Variants in SLC25A21 observed in about 807,000 individuals in gnomAD.
The protein encoded by SLC25A21 is mitochondrial 2-oxodicarboxylate carrier.
In SLC25A21, 47 loss-of-function variants were observed where a neutral mutation model predicts 43.8. The observed-to-expected ratio is 1.07, with a 90% confidence interval of 0.85 to 1.37. The LOEUF (loss-of-function observed/expected upper bound fraction) is 1.37, where lower values mean the gene tolerates loss of function less well. SLC25A21 is among the 40% of genes most tolerant of loss of function. The pLI is 0.00. For missense variants in SLC25A21, 352 were observed against 350.2 expected, an observed-to-expected ratio of 1.00 and a Z score of -0.04; for synonymous variants, 131 against 121.3, an observed-to-expected ratio of 1.08 and a Z score of -0.52.
At chr14:36,963,219 A>G (rs555476558) in intron 1 of SLC25A21, among the ~76,000 whole-genome samples, 70 of 152,258 alleles carry the variant, frequency 4.6e-4, no homozygotes, top group Admixed American at 4.2e-3. Context: ...TAAAGAAACG[A>G]TAAGTGAAAA....
Position 37,150,677 on chromosome 14 carries a change from C to A in SLC25A21, c.70+21604G>T, listed in dbSNP as rs199916099. 1.3e-5 allele frequency among the ~76,000 whole-genome samples: 2 copies of A among 152,136 alleles called. 1 individual carries two copies. The highest frequency in any genetic ancestry group is 4.1e-4 in the South Asian group (2 of 4,830). On this transcript the variant is annotated intron_variant, in intron 1 of 9. Coordinates refer to ENST00000331299, the MANE Select transcript of SLC25A21 (RefSeq NM_030631.4). ...AATCACCAAAATTATAGGAAGACAG[C>A]GCCATCTATAGGTCTGCACAAGTAC...
At chr14:37,163,726 G>A (rs193299616) in intron 1 of SLC25A21, among the ~76,000 whole-genome samples, 3 of 152,212 alleles carry the variant, frequency 2.0e-5, no homozygotes, top group Admixed American at 2.0e-4. Context: ...GGGTTAAAGT[G>A]TATAAACATA....
chr14:37,060,344 T>A (rs999975980), intron 1 of SLC25A21, among the ~76,000 whole-genome samples: 4 of 150,056 alleles, frequency 2.7e-5, no homozygotes, highest in African/African-American at 9.7e-5. Flanking sequence ...GGTATTTTAT[T>A]ATAGCAGAAT....
rs571657344 is a variant in SLC25A21, at chr14:36,894,660, G to A, written c.71-19656C>T. ...CTTCCAGTTTTTGCCCATTCAGTACGATATTGGCTGTGGGTTTGTCATAGA... is the reference window on the plus strand; with the variant it reads ...CTTCCAGTTTTTGCCCATTCAGTACAATATTGGCTGTGGGTTTGTCATAGA... On this transcript the variant is annotated intron_variant, in intron 1 of 9. Transcript: ENST00000331299. Among the ~76,000 whole-genome samples the A allele has an allele frequency of 5.9e-5, 9 of 152,180 alleles. No homozygotes were observed. The South Asian group carries it at 1.2e-3, about 21-fold the overall frequency.
At chr14:36,769,406 T>C (rs966697423) in intron 3 of SLC25A21, among the ~76,000 whole-genome samples, 2 of 152,238 alleles carry the variant, frequency 1.3e-5, no homozygotes, top group Non-Finnish European at 2.9e-5. Context: ...TATTGCTGTT[T>C]TAAAAACTAT....
Position 36,688,882 on chromosome 14 carries a change from G to T in SLC25A21, c.604-3957C>A, listed in dbSNP as rs550697787. ...AACTGAAAGGTTAAGTATAAGAAGG[G>T]ATTTTTTGTTACATCCGAGTGAACC... On this transcript the variant is annotated intron_variant, in intron 7 of 9. Coordinates refer to ENST00000331299, the MANE Select transcript of SLC25A21 (RefSeq NM_030631.4). Among the ~76,000 whole-genome samples the T allele has an allele frequency of 1.3e-5, 2 of 152,194 alleles. 1 individual carries two copies. Among genetic ancestry groups the T allele is most frequent in the South Asian group, 4.1e-4 (2 of 4,832 alleles).
At chr14:37,016,783 T>A (rs757421999) in intron 1 of SLC25A21, among the ~76,000 whole-genome samples, 17 of 152,094 alleles carry the variant, frequency 1.1e-4, no homozygotes, top group Non-Finnish European at 1.8e-4. Context: ...CTTAGCTACA[T>A]CTTAGCTACA....
chr14:37,171,817 CAAT>C (rs1423330460), intron 1 of SLC25A21: 1 of 160,656 alleles, frequency 6.2e-6, no homozygotes, highest in African/African-American at 2.4e-5. Context: ...GCACAGTATG[CAAT>C]AAGAAGTCCT....
At chr14:36,959,365 A>G (rs1959428922) in intron 1 of SLC25A21, among the ~76,000 whole-genome samples, 1 of 152,138 alleles carries the variant, frequency 6.6e-6, no homozygotes, top group Non-Finnish European at 1.5e-5. Context: ...CTAAAAACAA[A>G]CCCCAGGAAA....
intron 1 of SLC25A21, among the ~76,000 whole-genome samples, chr14:37,081,132 C>T (rs1016547292): frequency 6.6e-6 from 1 of 152,104 alleles, no homozygotes; most frequent in African/African-American, 2.4e-5. Context: ...ATCATGATCC[C>T]TGTAAAGTGT....
chr14:37,137,961 T>A (rs1193043971), intron 1 of SLC25A21, among the ~76,000 whole-genome samples: 1 of 152,230 alleles, frequency 6.6e-6, no homozygotes, highest in Non-Finnish European at 1.5e-5. Flanking sequence ...AATACAGTAT[T>A]AGTATTTGCC....
intron 1 of SLC25A21, among the ~76,000 whole-genome samples, chr14:37,155,783 T>C (rs963851475): frequency 2.0e-5 from 3 of 152,178 alleles, no homozygotes; most frequent in Admixed American, 1.3e-4. Context: ...AGGAATTTAT[T>C]ACCATTAGAT....
chr14:36,873,166 G>A (rs1021260368), intron 2 of SLC25A21, among the ~76,000 whole-genome samples: 2 of 152,120 alleles, frequency 1.3e-5, no homozygotes, highest in Non-Finnish European at 2.9e-5. Flanking sequence ...GGTTAACATG[G>A]AATCTAAGAA....
chr14:36,951,078 C>A (rs886165726), intron 1 of SLC25A21, among the ~76,000 whole-genome samples: 3 of 152,210 alleles, frequency 2.0e-5, no homozygotes, highest in African/African-American at 4.8e-5. Flanking sequence ...CTGAAGTCAA[C>A]CCCATCTGTC....
chr14:36,781,219 T>C (rs1044832499), intron 3 of SLC25A21, among the ~76,000 whole-genome samples: 1 of 152,166 alleles, frequency 6.6e-6, no homozygotes, highest in African/African-American at 2.4e-5. Flanking sequence ...TCCTTAAAGC[T>C]AAAGTGAATT....
chr14:37,137,413 TG>T (rs1963500936), intron 1 of SLC25A21, among the ~76,000 whole-genome samples: 1 of 152,244 alleles, frequency 6.6e-6, no homozygotes, highest in African/African-American at 2.4e-5. Flanking sequence ...AATTTAATTT[TG>T]CCCATTATGC....
Position 36,700,783 on chromosome 14 carries a change from CA to C in SLC25A21, c.603+10534del, listed in dbSNP as rs1280128681. On this transcript the variant is annotated intron_variant, in intron 7 of 9. Coordinates refer to ENST00000331299, the MANE Select transcript of SLC25A21 (RefSeq NM_030631.4). ...GCTTCCTTTAATAAAACATAATAAA[CA>C]AAGAACCAAGGTTTCAGAAGCAAAT... Among the ~76,000 whole-genome samples, 7 of 152,222 alleles carry C rather than the reference CA, an allele frequency of 4.6e-5. No individual in the cohort carries two copies. The East Asian group carries it at 9.6e-4, about 21-fold the overall frequency.
chr14:36,825,570 G>T (rs976505030), intron 2 of SLC25A21, among the ~76,000 whole-genome samples: 1 of 152,154 alleles, frequency 6.6e-6, no homozygotes, highest in African/African-American at 2.4e-5. Context: ...GCTTTGCTGG[G>T]TTGCAAAAAC....
At chr14:37,171,964 G>T (rs1198653927) in intron 1 of SLC25A21, 1 of 389,156 alleles carries the variant, frequency 2.6e-6, no homozygotes, top group Admixed American at 4.1e-5. Context: ...TAGGTAGCAA[G>T]GCAAAAAGAC....
Sources: gnomAD v4.1 joint callset for allele counts (sites outside exome capture counted in the v4.1 genomes callset) on GRCh38, gnomAD v4.1.1 for gene constraint, MANE v1.5 for transcripts, NCBI Gene and HGNC (gene_info 2026-07-23, HGNC 2026-07-21) for gene names.